The following PDE4B variants were observed in gnomAD, a reference collection of about 807,000 sequenced individuals.
PDE4B encodes the protein 3',5'-cyclic-AMP phosphodiesterase 4B.
A neutral mutation model predicts 82.2 loss-of-function variants in PDE4B; 20 were observed. The ratio of observed to expected loss-of-function variants is 0.24; its 90% CI spans 0.17 to 0.35. The LOEUF is 0.35. PDE4B is among the 10% of genes least tolerant of loss of function. The pLI, the probability that PDE4B is intolerant of heterozygous loss-of-function variation, is 1.00. For synonymous variants in PDE4B, 320 were observed against 318.9 expected, an observed-to-expected ratio of 1.00 and a Z score of -0.04; for missense variants, 655 against 907.2, an observed-to-expected ratio of 0.72 and a Z score of 3.57.
chr1:66,325,558 G>A (rs1659692355), intron 7 of PDE4B, among the ~76,000 whole-genome samples: 1 of 152,158 alleles, frequency 6.6e-6, no homozygotes, highest in Non-Finnish European at 1.5e-5. Flanking sequence ...TTAGAATTTT[G>A]TGAAAAAACG....
In PDE4B at chr1:66,059,480, C is replaced by A. The variant is rs1302256617; in HGVS notation, c.281+140645C>A. On this transcript the variant is annotated intron_variant, in intron 3 of 16. Coordinates refer to ENST00000341517, the MANE Select transcript of PDE4B (RefSeq NM_002600.4). ...GACATACTGGAGACTGGTCAATTTA[C>A]AAAAGGAAGAAGTTTATTGGACTTA... Among the ~76,000 whole-genome samples the A allele has an allele frequency of 2.0e-5, 3 of 152,142 alleles. No individual in the cohort carries two copies. In the East Asian group the frequency reaches 5.8e-4, roughly 29 times the overall value.
intron 9 of PDE4B, among the ~76,000 whole-genome samples, chr1:66,357,578 A>C (rs1282492729): frequency 6.6e-6 from 1 of 151,956 alleles, no homozygotes; most frequent in East Asian, 1.9e-4. Context: ...AATTAAATTC[A>C]AGAACAAATT....
intron 1 of PDE4B, among the ~76,000 whole-genome samples, chr1:65,816,198 T>TGTGTGTGG (rs1422439026): frequency 1.5e-5 from 1 of 66,420 alleles, no homozygotes; most frequent in African/African-American, 4.5e-5. Flanking sequence ...GCAGTGTGTG[T>TGTGTGTGG]GTGTGTGTGT....
At chr1:66,000,508 T>A (rs1158490855) in intron 3 of PDE4B, among the ~76,000 whole-genome samples, 1 of 152,200 alleles carries the variant, frequency 6.6e-6, no homozygotes, top group East Asian at 1.9e-4. Context: ...CACTTGGTTC[T>A]GCCTCATTTT....
chr1:65,926,896 A>C (rs1164958976), intron 3 of PDE4B, among the ~76,000 whole-genome samples: 1 of 152,198 alleles, frequency 6.6e-6, no homozygotes, highest in African/African-American at 2.4e-5. Context: ...ATAGAGGAAC[A>C]AGAATAAGAA....
rs1421181615 is a variant in PDE4B, at chr1:66,262,956, G to A, written c.585-3082G>A. On this transcript the variant is annotated intron_variant, in intron 6 of 16. Transcript: ENST00000341517. ...AAAGTAGAGATTTCTGACATTTGGGGTCTCCTAGTTCAGTTTCTTCTTTCA... is the reference window on the plus strand; with the variant it reads ...AAAGTAGAGATTTCTGACATTTGGGATCTCCTAGTTCAGTTTCTTCTTTCA... 2.0e-5 allele frequency among the ~76,000 whole-genome samples: 3 copies of A among 152,180 alleles called. No homozygotes were observed. In the East Asian group the frequency reaches 5.8e-4, roughly 29 times the overall value.
intron 8 of PDE4B, among the ~76,000 whole-genome samples, chr1:66,337,432 GC>G (rs1427637749): frequency 1.8e-4 from 27 of 152,336 alleles, no homozygotes; most frequent in Admixed American, 5.9e-4. Flanking sequence ...TGTGCTGCAG[GC>G]ATACACACCC....
intron 3 of PDE4B, among the ~76,000 whole-genome samples, chr1:66,111,969 AT>A (rs1362940500): frequency 1.3e-5 from 2 of 152,144 alleles, no homozygotes; most frequent in Non-Finnish European, 2.9e-5. Flanking sequence ...CAATTTATGA[AT>A]CTAAATGAAT....
chr1:66,018,302 C>T (rs1380161241), intron 3 of PDE4B, among the ~76,000 whole-genome samples: 1 of 152,042 alleles, frequency 6.6e-6, no homozygotes, highest in Admixed American at 6.6e-5. Context: ...CGCCTGTAGT[C>T]CCAGCTAGTC....
intron 3 of PDE4B, among the ~76,000 whole-genome samples, chr1:66,102,129 G>A (rs1301029608): frequency 6.6e-6 from 1 of 152,096 alleles, no homozygotes; most frequent in Admixed American, 6.6e-5. Context: ...GTTTGCCAAA[G>A]ACCAGTTGTT....
At chr1:65,811,186 G>T (rs757049336) in intron 1 of PDE4B, among the ~76,000 whole-genome samples, 2 of 152,188 alleles carry the variant, frequency 1.3e-5, no homozygotes, top group Non-Finnish European at 1.5e-5. Context: ...ACCCCATGAG[G>T]CTCATATCAT....
intron 3 of PDE4B, among the ~76,000 whole-genome samples, chr1:66,030,036 G>GCT (rs1427643519): frequency 3.3e-5 from 1 of 30,490 alleles, no homozygotes; most frequent in Non-Finnish European, 6.0e-5. Context: ...ATCTGTTGAG[G>GCT]GTTTTTTTTT....
At chr1:65,903,220 T>C (rs992102205) in intron 1 of PDE4B, among the ~76,000 whole-genome samples, 1 of 152,168 alleles carries the variant, frequency 6.6e-6, no homozygotes. Context: ...AATTAGATGT[T>C]GTAGCTGCTA....
At position 66,071,208 on chromosome 1, in the gene PDE4B, C is replaced by G. The variant is rs553742469; in HGVS notation, c.281+152373C>G. Among the ~76,000 whole-genome samples, 5 of 152,092 alleles carry G rather than the reference C, an allele frequency of 3.3e-5. No homozygotes were observed. In the South Asian group the frequency reaches 8.3e-4, roughly 25 times the overall value. Reference sequence around the variant, plus strand: ...TTTTTCTCCAAACAATTTTGTATGACTTAAATTTTGAGATCCTTTTTAGGT... The same window carrying G: ...TTTTTCTCCAAACAATTTTGTATGAGTTAAATTTTGAGATCCTTTTTAGGT... On this transcript the variant is annotated intron_variant, in intron 3 of 16. Coordinates refer to ENST00000341517, the MANE Select transcript of PDE4B (RefSeq NM_002600.4).
intron 3 of PDE4B, among the ~76,000 whole-genome samples, chr1:66,129,764 A>G (rs933280087): frequency 6.6e-6 from 1 of 152,144 alleles, no homozygotes; most frequent in Non-Finnish European, 1.5e-5. Context: ...ATATTAAGAT[A>G]ATATGTGTAA....
At chr1:66,281,926 A>G (rs931641217) in intron 7 of PDE4B, among the ~76,000 whole-genome samples, 4 of 152,192 alleles carry the variant, frequency 2.6e-5, no homozygotes, top group Non-Finnish European at 5.9e-5. Context: ...GGAACCATAA[A>G]GACACTCAGC....
chr1:66,114,948 T>G (rs1381290900), intron 3 of PDE4B, among the ~76,000 whole-genome samples: 1 of 152,184 alleles, frequency 6.6e-6, no homozygotes, highest in Non-Finnish European at 1.5e-5. Flanking sequence ...ATAAAAAATA[T>G]GGAGTTGAAT....
At chr1:66,221,056 T>G (rs997085950) in intron 3 of PDE4B, among the ~76,000 whole-genome samples, 3 of 152,130 alleles carry the variant, frequency 2.0e-5, no homozygotes, top group African/African-American at 7.2e-5. Flanking sequence ...AAAGGAGAAT[T>G]TATTGAAAAG....
At chr1:66,092,320 G>C (rs1645041550) in intron 3 of PDE4B, among the ~76,000 whole-genome samples, 2 of 152,116 alleles carry the variant, frequency 1.3e-5, no homozygotes, top group African/African-American at 4.8e-5. Flanking sequence ...ATACAAGCAA[G>C]AGTTCAGTTC....
Sources: gnomAD v4.1 joint callset for allele counts (sites outside exome capture counted in the v4.1 genomes callset) on GRCh38, gnomAD v4.1.1 for gene constraint, MANE v1.5 for transcripts, NCBI Gene and HGNC (gene_info 2026-07-23, HGNC 2026-07-21) for gene names.